Variants in PARP6 observed in about 807,000 individuals in gnomAD.
The protein encoded by PARP6 is protein mono-ADP-ribosyltransferase PARP6.
PARP6 carries 27 observed loss-of-function variants against 92.0 expected under a neutral mutation model. The ratio of observed to expected loss-of-function variants is 0.29; its 90% CI spans 0.22 to 0.40. PARP6 has a LOEUF of 0.40. PARP6 is among the 10% of genes least tolerant of loss of function. The pLI is 1.00. For missense variants in PARP6, 501 were observed against 784.5 expected, an observed-to-expected ratio of 0.64 and a Z score of 4.32; for synonymous variants, 272 against 281.2, an observed-to-expected ratio of 0.97 and a Z score of 0.33.
At chr15:72,250,803 G>GCCCCCCCCCCCCCC in intron 18 of PARP6, 42 bp downstream of exon 18, 1 of 502,336 alleles carries the variant, frequency 2.0e-6, no homozygotes, top group South Asian at 1.7e-5. Flanking sequence ...GCTCATCCCC[G>GCCCCCCCCCCCCCC]CCCCCTCACC....
chr15:72,260,651 T>C lies in PARP6; in HGVS notation c.583A>G (p.Lys195Glu). 1 of 1,614,142 alleles carries C rather than the reference T, an allele frequency of 6.2e-7. No homozygotes were observed. The highest frequency in any genetic ancestry group is 8.5e-7 in the Non-Finnish European group (1 of 1,179,990). ...SFPIIQDSML[K>E]GKLGVPELRV... Reference sequence around the variant, plus strand: ...AGCTCTGGTACACCTAGTTTGCCTTTCAGCATGGAGTCCTGTATGATAGGG... The same window carrying C: ...AGCTCTGGTACACCTAGTTTGCCTTCCAGCATGGAGTCCTGTATGATAGGG... The change falls in exon 10 of 24, where the codon AAA becomes GAA. Residue 195 changes from lysine (K) to glutamate (E), a missense_variant. Lys to Glu is a moderately conservative substitution (Grantham distance 56, BLOSUM62 1). Transcript: ENST00000569795.
chr15:72,259,411 A>G (rs537873240), intron 11 of PARP6, among the ~76,000 whole-genome samples, 197 bp downstream of exon 11: 4 of 152,360 alleles, frequency 2.6e-5, no homozygotes, highest in South Asian at 4.1e-4. Flanking sequence ...GCACTTGATC[A>G]TAAGTGGTAA....
At position 72,249,984 on chromosome 15, in the gene PARP6, C is replaced by T. The variant is rs138538643; in HGVS notation, c.1491+36G>A. On this transcript the variant is annotated intron_variant, in intron 19 of 23. Transcript: ENST00000569795. Reference sequence around the variant, plus strand: ...CCACAAAACTGAGTAGGGAAGGGAGCGGTTAGAAATAAAGGAGAAAGGGGC... The same window carrying T: ...CCACAAAACTGAGTAGGGAAGGGAGTGGTTAGAAATAAAGGAGAAAGGGGC... The T allele has an allele frequency of 3.4e-3, 4,573 of 1,354,082 alleles. 178 individuals carry two copies. In the Admixed American group the frequency reaches 0.068, roughly 20 times the overall value. 83.9% of individuals were successfully genotyped at this position (1,354,082 alleles called of 1,614,324 possible).
Position 72,267,274 on chromosome 15 carries a change from C to T in PARP6, c.3+201G>A, listed in dbSNP as rs527507149. The T allele has an allele frequency of 3.0e-4, 186 of 620,596 alleles. 1 individual carries two copies. Among genetic ancestry groups the T allele is most frequent in the African/African-American group, 2.9e-3 (156 of 54,232 alleles). The allele number at this position is 620,596 out of a possible 1,614,324, so 38.4% of individuals were successfully genotyped here. On this transcript the variant is annotated intron_variant, in intron 3 of 23. Coordinates refer to ENST00000569795, the MANE Select transcript of PARP6 (RefSeq NM_001323532.2). ...TCTATCCTTTAAAGTACTTAACTCT[C>T]CTCTCCCTCCCCAAGAAAACCCACT...
At chr15:72,262,229 T>C (rs2085987626) in intron 8 of PARP6, among the ~76,000 whole-genome samples, 1 of 152,216 alleles carries the variant, frequency 6.6e-6, no homozygotes, top group Non-Finnish European at 1.5e-5. Flanking sequence ...CTCTCTAGCA[T>C]TACTCTAAGG....
At chr15:72,261,425 T>C (rs1567219796) in intron 9 of PARP6, 133 bp downstream of exon 9, 4 of 772,368 alleles carry the variant, frequency 5.2e-6, no homozygotes, top group Non-Finnish European at 8.8e-6. Flanking sequence ...AACAGGACCA[T>C]GTGAGTGGTG....
intron 18 of PARP6, chr15:72,250,509 C>T: frequency 9.2e-6 from 3 of 325,352 alleles, no homozygotes; most frequent in South Asian, 4.1e-5. Flanking sequence ...TCTTTAATAC[C>T]TCTCTTTCTC....
intron 8 of PARP6, among the ~76,000 whole-genome samples, chr15:72,262,264 T>A (rs1348804097): frequency 6.6e-6 from 1 of 152,186 alleles, no homozygotes; most frequent in African/African-American, 2.4e-5. Context: ...CTTATTACCT[T>A]CTTTAAGTTA....
intron 8 of PARP6, among the ~76,000 whole-genome samples, chr15:72,262,554 G>A (rs1482810499): frequency 6.6e-6 from 1 of 152,058 alleles, no homozygotes; most frequent in Non-Finnish European, 1.5e-5. Flanking sequence ...ACCTCTCCCT[G>A]TTGCCTTCCC....
At position 72,267,625 on chromosome 15, in the gene PARP6, G is replaced by T; in HGVS notation, c.-148C>A. The T allele has an allele frequency of 2.6e-6, 2 of 778,360 alleles. No individual in the cohort carries two copies. The highest frequency in any genetic ancestry group is 2.2e-6 in the Non-Finnish European group (1 of 448,782). 48.2% of individuals were successfully genotyped at this position (778,360 alleles called of 1,614,324 possible). A position where few individuals can be genotyped will look rare whatever the true frequency, so the allele number is the denominator to read the frequency against. On this transcript the variant is annotated 5_prime_UTR_variant, in exon 3 of 24. Coordinates refer to ENST00000569795, the MANE Select transcript of PARP6 (RefSeq NM_001323532.2). ...CGATGTCAGGGACAACTGGTGATCTGTTGGGGATGGCAGGCTCTGCTGTTG... is the reference window on the plus strand; with the variant it reads ...CGATGTCAGGGACAACTGGTGATCTTTTGGGGATGGCAGGCTCTGCTGTTG...
intron 20 of PARP6, among the ~76,000 whole-genome samples, chr15:72,247,309 G>A (rs2083743602): frequency 1.3e-5 from 2 of 151,894 alleles, no homozygotes; most frequent in Admixed American, 6.6e-5. Context: ...GACCAGCTAG[G>A]ACTTACAGGC....
Position 72,241,473 on chromosome 15 carries a change from AG to A in PARP6, c.1874del (p.Thr625IlefsTer33). Reference sequence around the variant, plus strand: ...GGCCCCCTCAGTTTGTGTAAACCTGAGTTCCGATCACACGCATGATTTCCTT... The same window carrying A: ...GGCCCCCTCAGTTTGTGTAAACCTGATTCCGATCACACGCATGATTTCCTT... ...IQKEIMRVIG[T>X]QVYTN On this transcript the variant is annotated frameshift_variant, in exon 24 of 24. Coordinates refer to ENST00000569795, the MANE Select transcript of PARP6 (RefSeq NM_001323532.2). LOFTEE classifies it high-confidence loss of function. This position sits in a 1 kb window ranked among gnomAD's most constrained non-coding sequence, Gnocchi z 4.1. 6.2e-7 allele frequency: 1 copy of A among 1,614,058 alleles called. No homozygotes were observed. Among genetic ancestry groups the A allele is most frequent in the Non-Finnish European group, 8.5e-7 (1 of 1,179,896 alleles).
intron 3 of PARP6, 58 bp from the exon 4 acceptor site, chr15:72,266,880 G>C (rs1272058029): frequency 7.8e-7 from 1 of 1,275,242 alleles, no homozygotes; most frequent in African/African-American, 1.5e-5. Flanking sequence ...CCCATGGAAA[G>C]GCGTGGGATG....
At position 72,250,200 on chromosome 15, in the gene PARP6, A is replaced by G. The variant is rs2084167512; in HGVS notation, c.1419-108T>C. 10 of 734,978 alleles carry G rather than the reference A, an allele frequency of 1.4e-5. No individual in the cohort carries two copies. In the Admixed American group the frequency reaches 1.7e-4, roughly 13 times the overall value. The allele number at this position is 734,978 out of a possible 1,614,324, so 45.5% of individuals were successfully genotyped here. On this transcript the variant is annotated intron_variant, in intron 18 of 23. Coordinates refer to ENST00000569795, the MANE Select transcript of PARP6 (RefSeq NM_001323532.2). ...TCACCCACACAGGACATGAAGATGG[A>G]CAGGTACACCTAGTGATGGACATGC...
chr15:72,271,442 T>C (rs753920475), intron 1 of PARP6, among the ~76,000 whole-genome samples, 155 bp from the exon 2 acceptor site: 14 of 152,114 alleles, frequency 9.2e-5, no homozygotes, highest in Admixed American at 2.0e-4. Flanking sequence ...AGATGGAAAG[T>C]GGATTTAAAA....
chr15:72,245,547 C>T (rs950038607), intron 20 of PARP6: 5 of 152,152 alleles, frequency 3.3e-5, no homozygotes, highest in African/African-American at 4.8e-5. Context: ...GATTGCAGCC[C>T]TATCTCTGCT....
rs112994560 is a variant in PARP6 at position 72,270,117 on chromosome 15, T to C, written c.-195+906A>G. On this transcript the variant is annotated intron_variant, in intron 2 of 23. Transcript: ENST00000569795. ...GCCAGGATGGGGACAAAAGACACCATGCCAGAGCAGAGCCAGCATAGGAGT... is the reference window on the plus strand; with the variant it reads ...GCCAGGATGGGGACAAAAGACACCACGCCAGAGCAGAGCCAGCATAGGAGT... Among the ~76,000 whole-genome samples the C allele has an allele frequency of 6.4e-3, 974 of 152,240 alleles. 10 individuals are homozygous for C. Among genetic ancestry groups the C allele is most frequent in the Middle Eastern group, 0.02 (6 of 294 alleles).
At chr15:72,269,899 CAAAAAAAAAAA>C (rs59023007) in intron 2 of PARP6, among the ~76,000 whole-genome samples, 21 of 100,206 alleles carry the variant, frequency 2.1e-4, no homozygotes, top group Admixed American at 6.3e-4. Flanking sequence ...AACTCTGTCT[CAAAAAAAAAAA>C]AAAAAAAAGA....
At position 72,267,786 on chromosome 15, in the gene PARP6, T is replaced by C. The variant is rs141466989; in HGVS notation, c.-194-115A>G. On this transcript the variant is annotated intron_variant, in intron 2 of 23. Coordinates refer to ENST00000569795, the MANE Select transcript of PARP6 (RefSeq NM_001323532.2). ...TTTTTTTTGAGACAGAGTTTCGCTC[T>C]TGTCGCCCAGGCTGGAGTGCAATGG... The C allele has an allele frequency of 1.2e-3, 314 of 267,572 alleles. 4 individuals carry two copies. The highest frequency in any genetic ancestry group is 6.8e-3 in the African/African-American group (308 of 45,020). 16.6% of individuals were successfully genotyped at this position (267,572 alleles called of 1,614,324 possible). A position where few individuals can be genotyped will look rare whatever the true frequency, so the allele number is the denominator to read the frequency against.
Sources: allele counts gnomAD v4.1 joint callset (sites outside exome capture counted in the v4.1 genomes callset), GRCh38; gene constraint gnomAD v4.1.1; non-coding constraint Gnocchi (gnomAD v3.1); transcripts MANE v1.5; gene names NCBI Gene and HGNC (gene_info 2026-07-23, HGNC 2026-07-21).